The following IP6K1 variants were observed in gnomAD, a reference collection of about 807,000 sequenced individuals.
IP6K1 encodes inositol hexakisphosphate kinase 1.
A neutral mutation model predicts 38.3 loss-of-function variants in IP6K1; 13 were observed. The observed-to-expected ratio is 0.34, with a 90% confidence interval of 0.22 to 0.54. The LOEUF is 0.54. Among genes scored for constraint, IP6K1 ranks in the 20% least tolerant of loss-of-function variants. The probability of loss-of-function intolerance (pLI) is 0.92; values close to 1 mark genes in which losing one functional copy is unlikely to be tolerated. For missense variants in IP6K1, 397 were observed against 599.8 expected, an observed-to-expected ratio of 0.66 and a Z score of 3.53; for synonymous variants, 212 against 229.9, an observed-to-expected ratio of 0.92 and a Z score of 0.70.
chr3:49,737,350 C>T (rs1452174900), intron 3 of IP6K1, among the ~76,000 whole-genome samples: 3 of 152,132 alleles, frequency 2.0e-5, no homozygotes, highest in Admixed American at 2.0e-4. Flanking sequence ...TTATACCCAT[C>T]CTAGTGGGAG....
At chr3:49,766,593 C>T (rs1035209491) in intron 1 of IP6K1, among the ~76,000 whole-genome samples, 2 of 137,684 alleles carry the variant, frequency 1.5e-5, no homozygotes, top group Admixed American at 7.3e-5. Context: ...GAACCCGGGA[C>T]GCAGAGGTTG....
intron 3 of IP6K1, among the ~76,000 whole-genome samples, chr3:49,735,311 C>T (rs973468441): frequency 6.6e-6 from 1 of 152,146 alleles, no homozygotes; most frequent in Admixed American, 6.5e-5. Context: ...CAGTGAGTCA[C>T]TGATGGTGCC....
At chr3:49,749,692 A>C (rs1279784020) in intron 1 of IP6K1, among the ~76,000 whole-genome samples, 1 of 152,230 alleles carries the variant, frequency 6.6e-6, no homozygotes, top group African/African-American at 2.4e-5. Context: ...AAAGAAAGAA[A>C]AAACTACTGC....
chr3:49,771,185 T>A (rs7652179), intron 1 of IP6K1, among the ~76,000 whole-genome samples: 17,323 of 65,328 alleles, frequency 0.27, 1,296 homozygotes, highest in Middle Eastern at 0.44. Context: ...TAAAACTCAG[T>A]AACAAAAAAA....
chr3:49,760,059 TTTCCC>T (rs1383742520), intron 1 of IP6K1, among the ~76,000 whole-genome samples: 1 of 152,122 alleles, frequency 6.6e-6, no homozygotes, highest in Non-Finnish European at 1.5e-5. Context: ...ACCCAGCTAT[TTTCCC>T]TTCCTTTTTT....
rs34560942 is a variant in IP6K1, at chr3:49,772,214, T to TAAA, written c.-129+14137_-129+14139dup. The stretch of plus-strand genomic sequence containing the variant: ...GGTGACAAAACAAGACCCTTTCCCT[T>TAAA]AAAAAAAAAAATATATATATATATA... On this transcript the variant is annotated intron_variant, in intron 1 of 5. Coordinates refer to ENST00000321599, the MANE Select transcript of IP6K1 (RefSeq NM_153273.4). Among the ~76,000 whole-genome samples the TAAA allele has an allele frequency of 1.7e-3, 238 of 139,294 alleles. 1 individual carries two copies. Among genetic ancestry groups the TAAA allele is most frequent in the African/African-American group, 6.0e-3 (227 of 37,582 alleles). 91.4% of individuals were successfully genotyped at this position (139,294 alleles called of 152,430 possible).
intron 5 of IP6K1, 94 bp downstream of exon 5, chr3:49,728,009 A>G: frequency 7.7e-7 from 1 of 1,292,432 alleles, no homozygotes; most frequent in African/African-American, 1.4e-5. Flanking sequence ...AGAGGGGCTC[A>G]GGAGGACACA....
intron 2 of IP6K1, among the ~76,000 whole-genome samples, chr3:49,740,485 G>C (rs1189750126): frequency 6.6e-6 from 1 of 152,088 alleles, no homozygotes; most frequent in African/African-American, 2.4e-5. Context: ...CAAAAATGCT[G>C]TACCCATTAA....
chr3:49,772,696 C>CCCA (rs1453104778), intron 1 of IP6K1, among the ~76,000 whole-genome samples: 1 of 151,970 alleles, frequency 6.6e-6, no homozygotes, highest in Non-Finnish European at 1.5e-5. Context: ...AGCCACCACA[C>CCCA]CCAGCCTCTC....
At chr3:49,734,305 G>A (rs2080587075) in intron 3 of IP6K1, among the ~76,000 whole-genome samples, 1 of 149,566 alleles carries the variant, frequency 6.7e-6, no homozygotes, top group South Asian at 2.1e-4. Context: ...GAAAGGCCAA[G>A]AAAACCAAAC....
rs1402116521 is a variant in IP6K1 at position 49,724,789 on chromosome 3, G to C, written c.*2333C>G. On this transcript the variant is annotated 3_prime_UTR_variant, in exon 6 of 6. Transcript: ENST00000321599. ...CAGAGAGGGAGGGGTGGGGTCCCTG[G>C]CAAGTTGCTACACTGGTCCCCTTCC... 2 of 152,650 alleles carry C rather than the reference G, an allele frequency of 1.3e-5. No homozygotes were observed. The highest frequency in any genetic ancestry group is 2.9e-5 in the Non-Finnish European group (2 of 68,128). 9.5% of individuals were successfully genotyped at this position (152,650 alleles called of 1,614,324 possible).
In IP6K1 at chr3:49,736,872, C is replaced by T. The variant is rs552430013; in HGVS notation, c.434+1340G>A. On this transcript the variant is annotated intron_variant, in intron 3 of 5. Transcript: ENST00000321599. ...CTACAAGCTCCGCCTCCTGGGTTCA[C>T]GCCATTCTCCTGCCTTAGCCTCCCG... is the stretch of plus-strand genomic sequence containing the variant. Among the ~76,000 whole-genome samples, 31 of 150,866 alleles carry T rather than the reference C, an allele frequency of 2.1e-4. 1 individual carries two copies. The East Asian group carries it at 2.7e-3, about 13-fold the overall frequency.
intron 1 of IP6K1, among the ~76,000 whole-genome samples, chr3:49,756,369 A>G (rs2080822620): frequency 6.6e-6 from 1 of 152,218 alleles, no homozygotes; most frequent in African/African-American, 2.4e-5. Flanking sequence ...TAAAGATTAG[A>G]AATATGTGCT....
At chr3:49,765,208 A>G (rs1408879845) in intron 1 of IP6K1, among the ~76,000 whole-genome samples, 1 of 152,160 alleles carries the variant, frequency 6.6e-6, no homozygotes, top group Non-Finnish European at 1.5e-5. Context: ...AGACTAAGGG[A>G]GTTGCTAACT....
chr3:49,784,941 C>T (rs1353257307), intron 1 of IP6K1, among the ~76,000 whole-genome samples: 1 of 151,926 alleles, frequency 6.6e-6, no homozygotes, highest in South Asian at 2.1e-4. Context: ...AAGACTCCAT[C>T]TCAAAAAAAC....
intron 1 of IP6K1, among the ~76,000 whole-genome samples, chr3:49,759,775 C>A (rs565817356): frequency 6.6e-6 from 1 of 152,180 alleles, no homozygotes; most frequent in Non-Finnish European, 1.5e-5. Flanking sequence ...GAAGTAAATA[C>A]GTGAAGAAAA....
At chr3:49,767,862 T>C (rs574418210) in intron 1 of IP6K1, among the ~76,000 whole-genome samples, 49 of 152,298 alleles carry the variant, frequency 3.2e-4, no homozygotes, top group Non-Finnish European at 5.4e-4. Flanking sequence ...AAAGTACTTG[T>C]ATAACTCGAC....
Position 49,727,400 on chromosome 3 carries a change from G to A in IP6K1, c.1048C>T (p.Leu350=). 1 of 1,614,078 alleles carries A rather than the reference G, an allele frequency of 6.2e-7. No homozygotes were observed. The highest frequency in any genetic ancestry group is 8.5e-7 in the Non-Finnish European group (1 of 1,180,028). ...AGACGCATCTCAGACCGGCGGTCCAGGCAGGACTCAGCCCGGCACTCCTTG... is the reference window on the plus strand; with the variant it reads ...AGACGCATCTCAGACCGGCGGTCCAAGCAGGACTCAGCCCGGCACTCCTTG... ...DGKECRAESC[L]DRRSEMRLKH... is the part of the protein sequence containing the mutation. Residue 350 remains leucine, a synonymous_variant, in exon 6 of 6, where the codon CTG becomes TTG. Transcript: ENST00000321599. The surrounding 1 kb of genome is among the most constrained non-coding windows in gnomAD (Gnocchi z 5.9).
At chr3:49,764,947 A>G (rs1178718687) in intron 1 of IP6K1, among the ~76,000 whole-genome samples, 5 of 152,116 alleles carry the variant, frequency 3.3e-5, no homozygotes, top group Non-Finnish European at 7.4e-5. Flanking sequence ...GAGACACATT[A>G]TAAAACAAAA....
Sources: gnomAD v4.1 joint callset for allele counts (sites outside exome capture counted in the v4.1 genomes callset) on GRCh38, gnomAD v4.1.1 for gene constraint, Gnocchi (gnomAD v3.1) non-coding constraint, MANE v1.5 for transcripts, NCBI Gene and HGNC (gene_info 2026-07-23, HGNC 2026-07-21) for gene names.